The following EML1 variants were observed in gnomAD, a reference collection of about 807,000 sequenced individuals.
The protein encoded by EML1 is echinoderm microtubule-associated protein-like 1.
Under a neutral mutation model 110.4 loss-of-function variants are expected in EML1, and 27 were observed. The ratio of observed to expected loss-of-function variants is 0.24; its 90% CI spans 0.18 to 0.34. The LOEUF (loss-of-function observed/expected upper bound fraction) is 0.34. EML1 is among the 10% of genes least tolerant of loss of function. EML1 has a pLI of 1.00. For synonymous variants in EML1, 344 were observed against 385.8 expected (o/e 0.89, Z 1.27); for missense variants, 741 against 1,030.9 (o/e 0.72, Z 3.85).
At chr14:99,829,973 C>G (rs1018142789) in intron 1 of EML1, among the ~76,000 whole-genome samples, 1 of 152,166 alleles carries the variant, frequency 6.6e-6, no homozygotes, top group Non-Finnish European at 1.5e-5. Flanking sequence ...AATACCTGTT[C>G]AAGCCTCTGT....
At chr14:99,891,160 C>A (rs1006621385) in intron 4 of EML1, 39 bp from the exon 5 acceptor site, 2 of 1,613,920 alleles carry the variant, frequency 1.2e-6, no homozygotes, top group Non-Finnish European at 1.7e-6. Context: ...GAAACACCCA[C>A]AGCACCCTTT....
intron 10 of EML1, among the ~76,000 whole-genome samples, chr14:99,908,555 G>T (rs2140043104): frequency 6.6e-6 from 1 of 152,290 alleles, no homozygotes; most frequent in Non-Finnish European, 1.5e-5. Flanking sequence ...AGTTCTTCTT[G>T]CTACGTTGCT....
At chr14:99,884,420 C>A (rs2059440172) in intron 4 of EML1, among the ~76,000 whole-genome samples, 1 of 152,216 alleles carries the variant, frequency 6.6e-6, no homozygotes, top group Non-Finnish European at 1.5e-5. Flanking sequence ...TAGTCCAAGG[C>A]ATGGCAGGGA....
intron 1 of EML1, among the ~76,000 whole-genome samples, chr14:99,756,025 C>T (rs2057249129): frequency 6.6e-6 from 1 of 152,236 alleles, no homozygotes; most frequent in Non-Finnish European, 1.5e-5. Context: ...GCCCACAGCC[C>T]CTCGCCTAGC....
chr14:99,874,832 C>A, intron 3 of EML1: 2 of 1,075,980 alleles, frequency 1.9e-6, no homozygotes, highest in Non-Finnish European at 2.7e-6. Context: ...TTGATGTGTG[C>A]GTCCTGCAAT....
At chr14:99,920,728 T>C (rs977293904) in intron 16 of EML1, 61 bp from the exon 17 acceptor site, 391 of 1,324,506 alleles carry the variant, frequency 3.0e-4, no homozygotes, top group Non-Finnish European at 4.0e-4. Context: ...CATCCCACTA[T>C]TATATAATCT....
chr14:99,744,284 C>T (rs1473569182), intron 1 of EML1, among the ~76,000 whole-genome samples: 1 of 152,166 alleles, frequency 6.6e-6, no homozygotes, highest in Admixed American at 6.5e-5. Context: ...AGGGCAGGTC[C>T]CTACACGGTG....
Position 99,793,525 on chromosome 14 carries a change from C to T in EML1, c.49C>T (p.Leu17=), listed in dbSNP as rs1040159870. Residue 17 remains leucine, a synonymous_variant, in exon 1 of 22, where the codon CTG becomes TTG. Coordinates refer to ENST00000262233, the MANE Select transcript of EML1 (RefSeq NM_004434.3). ...CAGCAGCCTGTACGACACGTCCTCG[C>T]TGCTCCAGTTCTGCAACGGTGAGGG... The part of the protein sequence containing the change: ...SYSSLYDTSS[L]LQFCNDDSAS... 5.8e-5 allele frequency: 60 copies of T among 1,042,872 alleles called. No individual in the cohort carries two copies. The highest frequency in any genetic ancestry group is 6.7e-5 in the Non-Finnish European group (58 of 862,604). 64.6% of individuals were successfully genotyped at this position (1,042,872 alleles called of 1,614,324 possible). A position where few individuals can be genotyped will look rare whatever the true frequency, so the allele number is the denominator to read the frequency against.
In EML1 at chr14:99,737,988, G is replaced by A. The variant is rs1360747235; in HGVS notation, c.28+128G>A. The A allele has an allele frequency of 5.3e-5, 52 of 983,436 alleles. 1 individual carries two copies. Among genetic ancestry groups the A allele is most frequent in the Middle Eastern group, 7.8e-4 (2 of 2,548 alleles). 60.9% of individuals were successfully genotyped at this position (983,436 alleles called of 1,614,324 possible). ...AGCTGGACCCCCTTCCTCCTTGCCC[G>A]ACGCCTGGGGGGCCTGTGCCGCTGG... On this transcript the variant is annotated intron_variant, in intron 1 of 10. Coordinates refer to the EML1 transcript ENST00000554479.
intron 1 of EML1, among the ~76,000 whole-genome samples, chr14:99,829,433 T>C (rs2058413485): frequency 6.6e-6 from 1 of 152,268 alleles, no homozygotes; most frequent in African/African-American, 2.4e-5. Flanking sequence ...TCTTTCAAAA[T>C]GGTTGAATTA....
Position 99,929,537 on chromosome 14 carries a change from A to C in EML1, c.1910-6492A>C, listed in dbSNP as rs374364905. 5.9e-5 allele frequency among the ~76,000 whole-genome samples: 9 copies of C among 152,336 alleles called. No individual in the cohort carries two copies. The East Asian group carries it at 1.7e-3, about 29-fold the overall frequency. On this transcript the variant is annotated intron_variant, in intron 17 of 21. Transcript: ENST00000262233. ...CCTAGCATAGGGTTTATGACGGGTT[A>C]GTTGCATGCGTGAATGTAGCTATAA...
At chr14:99,892,382 G>A (rs904359416) in intron 5 of EML1, among the ~76,000 whole-genome samples, 1 of 152,158 alleles carries the variant, frequency 6.6e-6, no homozygotes, top group African/African-American at 2.4e-5. Context: ...TTAATAAGTG[G>A]CTGTAATTTG....
chr14:99,838,595 T>C (rs1182349294), intron 1 of EML1, among the ~76,000 whole-genome samples: 1 of 152,184 alleles, frequency 6.6e-6, no homozygotes, highest in Non-Finnish European at 1.5e-5. Flanking sequence ...GGCAACCTCG[T>C]GTGCCTTGCC....
chr14:99,809,570 C>G (rs2058039612), intron 1 of EML1: 1 of 451,796 alleles, frequency 2.2e-6, no homozygotes, highest in Non-Finnish European at 4.5e-6. Context: ...CTGGGTCCAT[C>G]CCAGCCCTGG....
At chr14:99,922,446 A>T (rs1365299206) in intron 17 of EML1, among the ~76,000 whole-genome samples, 2 of 152,008 alleles carry the variant, frequency 1.3e-5, no homozygotes, top group Non-Finnish European at 2.9e-5. Context: ...CTGGTTTTTT[A>T]TTATTATTAA....
At chr14:99,743,299 T>G (rs1449474567) in intron 1 of EML1, among the ~76,000 whole-genome samples, 1 of 152,132 alleles carries the variant, frequency 6.6e-6, no homozygotes, top group Non-Finnish European at 1.5e-5. Flanking sequence ...AGTGGAGGCC[T>G]GCCTCCTCCA....
intron 1 of EML1, among the ~76,000 whole-genome samples, chr14:99,740,111 C>T (rs1322135453): frequency 6.6e-6 from 1 of 152,124 alleles, no homozygotes; most frequent in South Asian, 2.1e-4. Context: ...CATAAGCAAC[C>T]TAGAGAGGGA....
chr14:99,935,068 C>T (rs1475088766), intron 17 of EML1, among the ~76,000 whole-genome samples: 1 of 152,166 alleles, frequency 6.6e-6, no homozygotes, highest in Non-Finnish European at 1.5e-5. Flanking sequence ...CAGTGAGGAG[C>T]AACGTGGCTA....
intron 4 of EML1, 130 bp from the exon 5 acceptor site, chr14:99,891,069 C>T: frequency 1.0e-6 from 1 of 1,003,972 alleles, no homozygotes; most frequent in African/African-American, 1.6e-5. Context: ...TGGTGTTTTT[C>T]TTATTAACGT....
Sources: allele counts gnomAD v4.1 joint callset (sites outside exome capture counted in the v4.1 genomes callset), GRCh38; gene constraint gnomAD v4.1.1; transcripts MANE v1.5; gene names NCBI Gene and HGNC (gene_info 2026-07-23, HGNC 2026-07-21).